Variants in CCDC81 observed in about 807,000 individuals in gnomAD.
CCDC81 encodes the protein coiled-coil domain containing 81, also known as coiled-coil domain-containing protein 81.
Under a neutral mutation model 83.7 loss-of-function variants are expected in CCDC81, and 79 were observed. The ratio of observed to expected loss-of-function variants is 0.94; its 90% CI spans 0.79 to 1.14. The LOEUF is 1.14. Among genes scored for constraint, CCDC81 ranks in the 50% most tolerant of loss-of-function variants. The pLI is 0.00. For synonymous variants in CCDC81, 252 were observed against 278.1 expected (o/e 0.91, Z 0.93); for missense variants, 791 against 778.1 (o/e 1.02, Z -0.20).
intron 3 of CCDC81, among the ~76,000 whole-genome samples, chr11:86,389,405 C>T (rs1393403565): frequency 6.6e-6 from 1 of 152,080 alleles, no homozygotes; most frequent in Non-Finnish European, 1.5e-5. Flanking sequence ...CTAGCTAAGA[C>T]TGGGTAATTT....
chr11:86,387,117 A>G (rs139377980), intron 2 of CCDC81, among the ~76,000 whole-genome samples: 4 of 152,348 alleles, frequency 2.6e-5, no homozygotes, highest in African/African-American at 9.6e-5. Flanking sequence ...CATAAAATCT[A>G]AAAGTAGGAA....
intron 13 of CCDC81, among the ~76,000 whole-genome samples, chr11:86,417,735 A>C (rs151292581): frequency 8.6e-5 from 13 of 150,820 alleles, no homozygotes; most frequent in African/African-American, 3.2e-4. Context: ...TGTACGGTAC[A>C]TCTAATTTTC....
At chr11:86,412,791 AG>A (rs1948664847) in intron 11 of CCDC81, among the ~76,000 whole-genome samples, 1 of 152,102 alleles carries the variant, frequency 6.6e-6, no homozygotes, top group Non-Finnish European at 1.5e-5. Context: ...TCAAACCTCT[AG>A]GAGAGCATAC....
At chr11:86,420,917 A>G (rs543274314) in intron 14 of CCDC81, among the ~76,000 whole-genome samples, 16 of 152,140 alleles carry the variant, frequency 1.1e-4, no homozygotes, top group Non-Finnish European at 1.9e-4. Context: ...GGGGATTTCA[A>G]TTTTCTCAGT....
chr11:86,397,854 T>A (rs1244971302), intron 6 of CCDC81, 112 bp downstream of exon 6: 2 of 1,269,366 alleles, frequency 1.6e-6, no homozygotes, highest in Admixed American at 2.9e-5. Context: ...ACTATATTAT[T>A]ATTACTTTTT....
At chr11:86,382,950 CAAGA>C (rs1948194004) in intron 1 of CCDC81, among the ~76,000 whole-genome samples, 1 of 151,736 alleles carries the variant, frequency 6.6e-6, no homozygotes, top group Non-Finnish European at 1.5e-5. Flanking sequence ...GTGACTTCAG[CAAGA>C]GCTGAAGTGA....
intron 4 of CCDC81, 62 bp downstream of exon 4, chr11:86,392,859 G>C: frequency 6.8e-7 from 1 of 1,481,448 alleles, no homozygotes; most frequent in Non-Finnish European, 9.0e-7. Flanking sequence ...TCATCTATAG[G>C]TGTGTTGTAA....
intron 14 of CCDC81, among the ~76,000 whole-genome samples, chr11:86,422,326 T>C (rs974199271): frequency 6.6e-6 from 1 of 152,192 alleles, no homozygotes; most frequent in African/African-American, 2.4e-5. Flanking sequence ...GCTTGGGTGG[T>C]TGAGGCTGGG....
At chr11:86,404,262 T>C (rs1948534595) in intron 7 of CCDC81, among the ~76,000 whole-genome samples, 1 of 152,186 alleles carries the variant, frequency 6.6e-6, no homozygotes, top group South Asian at 2.1e-4. Flanking sequence ...CTTATAGCAA[T>C]ATGGTGGTCT....
Position 86,420,106 on chromosome 11 carries a change from A to G in CCDC81, c.1817+53A>G, listed in dbSNP as rs1269782190. The G allele has an allele frequency of 2.5e-6, 4 of 1,585,154 alleles. No individual in the cohort carries two copies. In the African/African-American group the frequency reaches 4.1e-5, roughly 16 times the overall value. On this transcript the variant is annotated intron_variant, in intron 14 of 14. Transcript: ENST00000445632. ...CTCCTGCTCCTTGTGGGACAGCAAC[A>G]GGTTTCAAGTGGAACTCCACTTGAT... is the stretch of plus-strand genomic sequence containing the variant.
intron 14 of CCDC81, 23 bp from the exon 15 acceptor site, chr11:86,422,551 G>A (rs748940378): frequency 1.3e-5 from 21 of 1,598,430 alleles, no homozygotes; most frequent in South Asian, 7.8e-5. Context: ...CCTGCTGATC[G>A]GCATTTGCTC....
At chr11:86,382,074 A>G (rs1450123497) in intron 1 of CCDC81, among the ~76,000 whole-genome samples, 1 of 152,126 alleles carries the variant, frequency 6.6e-6, no homozygotes, top group Non-Finnish European at 1.5e-5. Context: ...AGAGAAAGGA[A>G]GGGGTCAAGT....
intron 11 of CCDC81, among the ~76,000 whole-genome samples, chr11:86,413,328 G>T (rs888120555): frequency 5.9e-5 from 9 of 152,162 alleles, no homozygotes; most frequent in Non-Finnish European, 1.0e-4. Flanking sequence ...ACAGGATGGG[G>T]GTGTGGCAGG....
Position 86,387,382 on chromosome 11 carries a change from G to A in CCDC81, c.142-134G>A, listed in dbSNP as rs1948257114. On this transcript the variant is annotated intron_variant, in intron 2 of 14. Coordinates refer to ENST00000445632, the MANE Select transcript of CCDC81 (RefSeq NM_001156474.2). ...TAGAATTATAAAATGCTATAGCTCT[G>A]AAGAGTCCTAGAGATCACTGAATTT... The A allele has an allele frequency of 8.4e-6, 6 of 718,316 alleles. No individual in the cohort carries two copies. In the South Asian group the frequency reaches 1.1e-4, roughly 13 times the overall value. The allele number at this position is 718,316 out of a possible 1,614,324, so 44.5% of individuals were successfully genotyped here. A position where few individuals can be genotyped will look rare whatever the true frequency, so the allele number is the denominator to read the frequency against.
chr11:86,411,216 T>A (rs776135900), intron 10 of CCDC81, among the ~76,000 whole-genome samples: 1 of 152,230 alleles, frequency 6.6e-6, no homozygotes, highest in Non-Finnish European at 1.5e-5. Flanking sequence ...TTGGTCACTA[T>A]GCCTCAGCCA....
chr11:86,378,039 T>G (rs1478243189), intron 1 of CCDC81, among the ~76,000 whole-genome samples: 2 of 134,496 alleles, frequency 1.5e-5, no homozygotes, highest in Admixed American at 8.7e-5. Flanking sequence ...AAAGACTATC[T>G]GCTCCATTGT....
intron 1 of CCDC81, 64 bp from the exon 2 acceptor site, chr11:86,385,987 C>A: frequency 2.6e-6 from 2 of 783,290 alleles, no homozygotes; most frequent in South Asian, 3.1e-5. Context: ...TTTATTAGCA[C>A]TAAGATACTG....
intron 13 of CCDC81, among the ~76,000 whole-genome samples, chr11:86,415,967 C>T (rs1948714230): frequency 6.6e-6 from 1 of 152,184 alleles, no homozygotes; most frequent in African/African-American, 2.4e-5. Flanking sequence ...AGCCACAGCA[C>T]CCAGCCTGAT....
chr11:86,389,833 C>A (rs376484278), intron 3 of CCDC81, among the ~76,000 whole-genome samples: 1 of 152,144 alleles, frequency 6.6e-6, no homozygotes, highest in Non-Finnish European at 1.5e-5. Context: ...GGGTTGGGTA[C>A]GATGGCTCAT....
Sources: allele counts gnomAD v4.1 joint callset (sites outside exome capture counted in the v4.1 genomes callset), GRCh38; gene constraint gnomAD v4.1.1; transcripts MANE v1.5; gene names NCBI Gene and HGNC (gene_info 2026-07-23, HGNC 2026-07-21).